The following NBAS variants were observed in gnomAD, a reference collection of about 807,000 sequenced individuals.
NBAS encodes NAG/BC035112 fusion.
In NBAS, 219 loss-of-function variants were observed where a neutral mutation model predicts 302.5. The ratio of observed to expected loss-of-function variants is 0.72; its 90% confidence interval spans 0.65 to 0.81. The LOEUF is 0.81. Ranked by LOEUF, NBAS falls within the 30% of genes least tolerant of loss-of-function variation. The pLI is 0.00. For synonymous variants in NBAS, 1,118 were observed against 1,021.6 expected (o/e 1.09, Z -1.80); for missense variants, 2,932 against 2,841.6 (o/e 1.03, Z -0.72).
chr2:15,377,552 C>T (rs1310469276), intron 30 of NBAS, among the ~76,000 whole-genome samples: 2 of 152,180 alleles, frequency 1.3e-5, no homozygotes, highest in African/African-American at 4.8e-5. Flanking sequence ...GAACCTGAGG[C>T]CCTGATGACT....
intron 32 of NBAS, among the ~76,000 whole-genome samples, chr2:15,359,970 A>G (rs1246810952): frequency 1.3e-5 from 2 of 152,222 alleles, no homozygotes; most frequent in African/African-American, 4.8e-5. Context: ...GGCTATATAT[A>G]TGGTATAGCT....
In NBAS at chr2:15,534,594, C is replaced by A. The variant is rs755635628; in HGVS notation, c.695G>T (p.Ser232Ile). 17 of 1,613,736 alleles carry A rather than the reference C, an allele frequency of 1.1e-5. No individual in the cohort carries two copies. The highest frequency in any genetic ancestry group is 1.4e-5 in the Non-Finnish European group (16 of 1,179,792). ...GTTGATTCCATGAGGATAATGACTACTGAAGCTGAAACAGTGACTTTCTTG... is the reference window on the plus strand; with the variant it reads ...GTTGATTCCATGAGGATAATGACTAATGAAGCTGAAACAGTGACTTTCTTG... ...SYQESHCFSF[S>I]SHYPHGINTA... is the part of the protein sequence containing the mutation. The change falls in exon 9 of 52, where the codon AGT (serine) becomes ATT (isoleucine). Residue 232 changes from serine (S) to isoleucine (I), a missense_variant. Transcript: ENST00000281513.
At chr2:14,879,244 A>T in the NBAS span, among the ~76,000 whole-genome samples, 1 of 152,210 alleles carries the variant, frequency 6.6e-6, no homozygotes, top group African/African-American at 2.4e-5. Flanking sequence ...TAAAAATTAC[A>T]TATAAAGCTG....
the NBAS span, among the ~76,000 whole-genome samples, chr2:14,876,886 C>T: frequency 2.0e-5 from 3 of 152,212 alleles, no homozygotes; most frequent in Non-Finnish European, 4.4e-5. Context: ...TGTGCTACCA[C>T]TTGGTCACAT....
chr2:15,149,368 A>T, the NBAS span, among the ~76,000 whole-genome samples: 1 of 152,244 alleles, frequency 6.6e-6, no homozygotes, highest in African/African-American at 2.4e-5. Flanking sequence ...TCTGTTCTTT[A>T]AAAATTACCC....
the NBAS span, among the ~76,000 whole-genome samples, chr2:15,000,420 T>A: frequency 9.9e-5 from 15 of 152,190 alleles, no homozygotes; most frequent in African/African-American, 3.6e-4. Flanking sequence ...TTAGAGAAGA[T>A]GGGAGCCTGA....
intron 48 of NBAS, among the ~76,000 whole-genome samples, chr2:15,192,974 G>A (rs549762588): frequency 2.0e-5 from 3 of 152,206 alleles, no homozygotes; most frequent in African/African-American, 7.2e-5. Context: ...TTCAGAAACT[G>A]TAATATACAT....
chr2:15,096,500 G>A, the NBAS span, among the ~76,000 whole-genome samples: 4 of 152,330 alleles, frequency 2.6e-5, no homozygotes, highest in South Asian at 8.3e-4. Context: ...TGGTGTTTCT[G>A]GATGCTCAGA....
At chr2:15,239,401 G>A (rs11678612) in intron 44 of NBAS, among the ~76,000 whole-genome samples, 61,802 of 144,510 alleles carry the variant, frequency 0.43, 14,309 homozygotes, top group African/African-American at 0.63. Flanking sequence ...GTGTGTGTGT[G>A]TATATATATA....
chr2:15,353,737 A>C, intron 33 of NBAS, 27 bp from the exon 34 acceptor site: 1 of 1,613,776 alleles, frequency 6.2e-7, no homozygotes. Context: ...GAAAAAAATG[A>C]TTCCCAAAAG....
chr2:15,035,540 G>C, the NBAS span, among the ~76,000 whole-genome samples: 1 of 152,150 alleles, frequency 6.6e-6, no homozygotes, highest in South Asian at 2.1e-4. Flanking sequence ...ACATGCACGT[G>C]TATGTTCATT....
At chr2:14,857,337 T>C in the NBAS span, among the ~76,000 whole-genome samples, 1 of 151,998 alleles carries the variant, frequency 6.6e-6, no homozygotes, top group Non-Finnish European at 1.5e-5. Flanking sequence ...AGAATTTATA[T>C]GAAACCACAA....
chr2:15,104,500 C>CT, the NBAS span, among the ~76,000 whole-genome samples: 568 of 147,540 alleles, frequency 3.8e-3, 1 homozygote, highest in South Asian at 0.016. Flanking sequence ...TTATCTGCTA[C>CT]TTTTTTTTTT....
chr2:15,135,533 A>G, the NBAS span, among the ~76,000 whole-genome samples: 1 of 152,066 alleles, frequency 6.6e-6, no homozygotes, highest in African/African-American at 2.4e-5. Context: ...CGGTACACAG[A>G]GGAGTGAGCA....
At chr2:14,886,311 A>G in the NBAS span, among the ~76,000 whole-genome samples, 1 of 152,088 alleles carries the variant, frequency 6.6e-6, no homozygotes, top group South Asian at 2.1e-4. Flanking sequence ...TCAAATCTCT[A>G]TGCTGTCCTA....
chr2:14,914,013 T>G, the NBAS span, among the ~76,000 whole-genome samples: 1 of 152,118 alleles, frequency 6.6e-6, no homozygotes. Context: ...GGCCTCACAA[T>G]CATGGTGGAA....
At chr2:15,099,295 C>A in the NBAS span, among the ~76,000 whole-genome samples, 4 of 151,886 alleles carry the variant, frequency 2.6e-5, no homozygotes, top group African/African-American at 7.3e-5. Context: ...GACTCTGTCT[C>A]CTCCCCGCCG....
At chr2:15,241,686 C>G (rs901385300) in intron 44 of NBAS, among the ~76,000 whole-genome samples, 2 of 152,184 alleles carry the variant, frequency 1.3e-5, no homozygotes, top group African/African-American at 4.8e-5. Context: ...GCTCAGTAAA[C>G]AGATGCTGAC....
At chr2:15,066,238 T>A in the NBAS span, among the ~76,000 whole-genome samples, 1 of 152,172 alleles carries the variant, frequency 6.6e-6, no homozygotes, top group African/African-American at 2.4e-5. Flanking sequence ...AAAGTCAAAA[T>A]GGATTAATGA....
Sources: gnomAD v4.1 joint callset for allele counts (sites outside exome capture counted in the v4.1 genomes callset) on GRCh38, gnomAD v4.1.1 for gene constraint, MANE v1.5 for transcripts, NCBI Gene and HGNC (gene_info 2026-07-23, HGNC 2026-07-21) for gene names.